The following CPXM2 variants were observed in gnomAD, a reference collection of about 807,000 sequenced individuals.
The protein encoded by CPXM2 is carboxypeptidase X, M14 family member 2, also known as inactive carboxypeptidase-like protein X2.
In CPXM2, 66 loss-of-function variants were observed where a neutral mutation model predicts 86.1. The observed-to-expected ratio is 0.77, with a 90% CI of 0.63 to 0.94. CPXM2 has a LOEUF of 0.94. Among genes scored for constraint, CPXM2 ranks in the 40% least tolerant of loss-of-function variants. The pLI is 0.00. For missense variants in CPXM2, 948 were observed against 1,026.3 expected, an observed-to-expected ratio of 0.92 and a Z score of 1.04; for synonymous variants, 388 against 400.2, an observed-to-expected ratio of 0.97 and a Z score of 0.36.
At chr10:123,902,992 T>A (rs1418260788) in intron 2 of CPXM2, among the ~76,000 whole-genome samples, 2 of 152,122 alleles carry the variant, frequency 1.3e-5, no homozygotes, top group Non-Finnish European at 2.9e-5. Context: ...CCACCTGGAG[T>A]ACCCTCTGGC....
At chr10:123,880,119 A>T (rs1483678897) in intron 2 of CPXM2, 92 bp downstream of exon 2, 1 of 680,146 alleles carries the variant, frequency 1.5e-6, no homozygotes, top group Non-Finnish European at 2.6e-6. Flanking sequence ...GGGAATCTGT[A>T]GTCAGGCTGC....
At chr10:123,816,353 G>A (rs1847813892) in intron 4 of CPXM2, among the ~76,000 whole-genome samples, 1 of 152,166 alleles carries the variant, frequency 6.6e-6, no homozygotes, top group South Asian at 2.1e-4. Flanking sequence ...GGCTATTATG[G>A]TGAGAAAGGC....
chr10:123,832,109 A>G (rs1013258298), intron 4 of CPXM2, among the ~76,000 whole-genome samples: 24 of 152,220 alleles, frequency 1.6e-4, no homozygotes, highest in African/African-American at 4.8e-4. Context: ...AGATGAATAT[A>G]TTAACATTAC....
intron 2 of CPXM2, among the ~76,000 whole-genome samples, chr10:123,927,303 T>C (rs1439334155): frequency 1.3e-5 from 2 of 152,248 alleles, no homozygotes; most frequent in East Asian, 3.8e-4. Flanking sequence ...AATGCCCCTG[T>C]GCCTCAGTGT....
chr10:123,817,908 G>A (rs56139947), intron 4 of CPXM2, among the ~76,000 whole-genome samples: 8,526 of 152,296 alleles, frequency 0.056, 307 homozygotes, highest in South Asian at 0.082. Context: ...GCAGAACTTT[G>A]AGCAGTGTAC....
At chr10:123,879,222 T>C (rs953745984) in intron 2 of CPXM2, among the ~76,000 whole-genome samples, 1 of 152,240 alleles carries the variant, frequency 6.6e-6, no homozygotes, top group Non-Finnish European at 1.5e-5. Flanking sequence ...CATTACATTG[T>C]GCTTAAGGAA....
chr10:123,928,798 C>T (rs541207349), intron 2 of CPXM2, among the ~76,000 whole-genome samples: 3 of 152,388 alleles, frequency 2.0e-5, no homozygotes, highest in Non-Finnish European at 4.4e-5. Context: ...GCCTTTGAGG[C>T]TTCCCAGACA....
At chr10:123,942,076 G>T (rs964105180), upstream of CPXM2, among the ~76,000 whole-genome samples, 8 of 152,222 alleles carry the variant, frequency 5.3e-5, no homozygotes, top group Admixed American at 4.6e-4. Context: ...GGACAATTTT[G>T]TAAGTTGCAG....
intron 2 of CPXM2, among the ~76,000 whole-genome samples, chr10:123,937,469 C>G (rs1222469964): frequency 1.3e-5 from 1 of 77,360 alleles, no homozygotes; most frequent in Admixed American, 1.4e-4. Flanking sequence ...GACAACAAAA[C>G]AACACACACA....
At position 123,746,787 on chromosome 10, in the gene CPXM2, G is replaced by T; in HGVS notation, c.2248C>A (p.Gln750Lys). 2 of 1,614,066 alleles carry T rather than the reference G, an allele frequency of 1.2e-6. No homozygotes were observed. Among genetic ancestry groups the T allele is most frequent in the Non-Finnish European group, 1.7e-6 (2 of 1,179,988 alleles). Reference protein sequence around the residue: ...LPARRLKLRGQKRRQRG With the variant: ...LPARRLKLRGKKRRQRG ...GGTCACCCACGCTGTCGTCTCTTCTGCCCCCGCAGCTTCAGCCGCCTGGCT... is the reference window on the plus strand; with the variant it reads ...GGTCACCCACGCTGTCGTCTCTTCTTCCCCCGCAGCTTCAGCCGCCTGGCT... The change falls in exon 14 of 14, where the codon CAG becomes AAG. Residue 750 changes from glutamine (Q) to lysine (K), a missense_variant. Gln to Lys is a moderately conservative substitution (Grantham distance 53). Coordinates refer to ENST00000241305, the MANE Select transcript of CPXM2 (RefSeq NM_198148.3).
chr10:123,904,372 C>T (rs907174484), intron 2 of CPXM2, among the ~76,000 whole-genome samples: 2 of 152,128 alleles, frequency 1.3e-5, no homozygotes, highest in African/African-American at 4.8e-5. Context: ...GGCTCAGCTG[C>T]CCACAGCTAT....
intron 2 of CPXM2, among the ~76,000 whole-genome samples, chr10:123,910,340 G>C (rs948244616): frequency 1.3e-5 from 2 of 152,052 alleles, no homozygotes; most frequent in Admixed American, 1.3e-4. Context: ...AGGATTCTTT[G>C]TCAAATCAAT....
At chr10:123,798,200 T>C (rs1269987953) in intron 5 of CPXM2, 74 bp from the exon 6 acceptor site, 35 of 1,307,564 alleles carry the variant, frequency 2.7e-5, no homozygotes, top group Non-Finnish European at 3.6e-5. Context: ...CAGAATTCAC[T>C]CATTCAACAA....
intron 4 of CPXM2, among the ~76,000 whole-genome samples, chr10:123,832,098 A>C (rs1195375239): frequency 6.6e-6 from 1 of 152,200 alleles, no homozygotes; most frequent in African/African-American, 2.4e-5. Context: ...TGGTGGTATA[A>C]AGATGAATAT....
At chr10:123,844,318 G>C (rs1425923328) in intron 3 of CPXM2, among the ~76,000 whole-genome samples, 1 of 151,960 alleles carries the variant, frequency 6.6e-6, no homozygotes, top group African/African-American at 2.4e-5. Flanking sequence ...GAACCAAAAG[G>C]TTTGATTCTT....
At chr10:123,798,321 A>G (rs1847379807) in intron 5 of CPXM2, among the ~76,000 whole-genome samples, 195 bp from the exon 6 acceptor site, 1 of 151,818 alleles carries the variant, frequency 6.6e-6, no homozygotes, top group African/African-American at 2.4e-5. Flanking sequence ...TCTAGTTGGT[A>G]TGCAGGGAGT....
intron 2 of CPXM2, among the ~76,000 whole-genome samples, chr10:123,909,438 G>C (rs1945470927): frequency 6.6e-6 from 1 of 152,158 alleles, no homozygotes; most frequent in African/African-American, 2.4e-5. Context: ...TGCCCAGCAA[G>C]GGAAAGCAGC....
At chr10:123,943,193 G>A (rs529846692), upstream of CPXM2, among the ~76,000 whole-genome samples, 1 of 88,034 alleles carries the variant, frequency 1.1e-5, no homozygotes. Flanking sequence ...TTCTTTGAAT[G>A]TTCCTTTGAA....
chr10:123,754,709 T>C lies in CPXM2; in HGVS notation c.1971A>G (p.Pro657=). ...TGCCTTCTACGGAGATAATGGCGTT[T>C]GGGATTCCTTTTCCATGTGAATCTC... The part of the protein sequence containing the change: ...LVRDSHGKGI[P]NAIISVEGIN... Residue 657 remains proline (P), a synonymous_variant, in exon 13 of 14, where the codon CCA becomes CCG. Coordinates refer to ENST00000241305, the MANE Select transcript of CPXM2 (RefSeq NM_198148.3). This position sits in a 1 kb window ranked among gnomAD's most constrained non-coding sequence, Gnocchi z 4.0. The C allele has an allele frequency of 6.2e-7, 1 of 1,611,758 alleles. No homozygotes were observed. Among genetic ancestry groups the C allele is most frequent in the Non-Finnish European group, 8.5e-7 (1 of 1,177,768 alleles).
Sources: gnomAD v4.1 joint callset for allele counts (sites outside exome capture counted in the v4.1 genomes callset) on GRCh38, gnomAD v4.1.1 for gene constraint, Gnocchi (gnomAD v3.1) non-coding constraint, MANE v1.5 for transcripts, NCBI Gene and HGNC (gene_info 2026-07-23, HGNC 2026-07-21) for gene names.